Variants in TBC1D24 observed in about 807,000 individuals in gnomAD.
The protein encoded by TBC1D24 is TBC1 domain family member 24.
TBC1D24 carries 47 observed loss-of-function variants against 50.7 expected under a neutral mutation model. The observed-to-expected ratio is 0.93, with a 90% CI of 0.73 to 1.18. The LOEUF is 1.18. Among genes scored for constraint, TBC1D24 ranks in the 50% most tolerant of loss-of-function variants. The probability of loss-of-function intolerance (pLI) is 0.00; values close to 1 mark genes in which losing one functional copy is unlikely to be tolerated. For missense variants in TBC1D24, 688 were observed against 766.5 expected (o/e 0.90, Z 1.21); for synonymous variants, 324 against 335.2 (o/e 0.97, Z 0.36).
At chr16:2,494,221 G>A (rs1567409943) in intron 1 of TBC1D24, among the ~76,000 whole-genome samples, 1 of 152,144 alleles carries the variant, frequency 6.6e-6, no homozygotes, top group Non-Finnish European at 1.5e-5. Flanking sequence ...AGACCAGCCT[G>A]GCCAACATGG....
In TBC1D24 at chr16:2,486,517, G is replaced by A. The variant is rs1463333283; in HGVS notation, c.-115-9517G>A. ...TTCTTGTGGCCAGGATGTGTGTGGTGGTCAGGCCAGGGCAGGATGGGGCCC... is the reference window on the plus strand; with the variant it reads ...TTCTTGTGGCCAGGATGTGTGTGGTAGTCAGGCCAGGGCAGGATGGGGCCC... On this transcript the variant is annotated intron_variant, in intron 1 of 7. Transcript: ENST00000646147. This position sits in a 1 kb window ranked among gnomAD's most constrained non-coding sequence, Gnocchi z 5.8. 1.3e-5 allele frequency among the ~76,000 whole-genome samples: 2 copies of A among 152,216 alleles called. No homozygotes were observed. Among genetic ancestry groups the A allele is most frequent in the African/African-American group, 4.8e-5 (2 of 41,464 alleles).
At chr16:2,494,343 C>A (rs557598997) in intron 1 of TBC1D24, among the ~76,000 whole-genome samples, 1 of 150,050 alleles carries the variant, frequency 6.7e-6, no homozygotes, top group South Asian at 2.1e-4. Context: ...GCCCGGGAGG[C>A]GGAAGTTGCA....
Position 2,500,078 on chromosome 16 carries a change from C to A in TBC1D24, c.1302+148C>A. The A allele has an allele frequency of 2.1e-6, 2 of 961,882 alleles. No homozygotes were observed. Among genetic ancestry groups the A allele is most frequent in the South Asian group, 1.4e-5 (1 of 73,858 alleles). 59.6% of individuals were successfully genotyped at this position (961,882 alleles called of 1,614,324 possible). ...CGCCCTGTGTGCTTCCGGGTTTGAT[C>A]ATTCAGCCGTGCGCTGCTCCGGGGC... is the stretch of plus-strand genomic sequence containing the variant. On this transcript the variant is annotated intron_variant, in intron 6 of 7. Coordinates refer to ENST00000646147, the MANE Select transcript of TBC1D24 (RefSeq NM_001199107.2). The surrounding 1 kb of genome is among the most constrained non-coding windows in gnomAD (Gnocchi z 8.0).
At chr16:2,488,607 G>T (rs2141861783) in intron 1 of TBC1D24, among the ~76,000 whole-genome samples, 1 of 148,458 alleles carries the variant, frequency 6.7e-6, no homozygotes, top group African/African-American at 2.5e-5. Context: ...TGCCTCCCGG[G>T]TTCACACTAC....
intron 1 of TBC1D24, among the ~76,000 whole-genome samples, chr16:2,495,778 C>CA (rs962506943): frequency 1.3e-3 from 191 of 143,656 alleles, no homozygotes; most frequent in African/African-American, 3.6e-3. Context: ...GACTCCATCT[C>CA]AAAAAAAAAA....
rs1241774791 is a variant in TBC1D24 at position 2,485,352 on chromosome 16, G to A, written c.-116+10182G>A. On this transcript the variant is annotated intron_variant, in intron 1 of 7. Transcript: ENST00000646147. This position sits in a 1 kb window ranked among gnomAD's most constrained non-coding sequence, Gnocchi z 4.6. ...TAATCAGTTATGCCTACTTAACAAGGGCTCCATGTCAACCCTAGAAGACAG... is the reference window on the plus strand; with the variant it reads ...TAATCAGTTATGCCTACTTAACAAGAGCTCCATGTCAACCCTAGAAGACAG... 6.6e-6 allele frequency: 1 copy of A among 152,154 alleles called. No homozygotes were observed. The highest frequency in any genetic ancestry group is 1.5e-5 in the Non-Finnish European group (1 of 68,032). The allele number at this position is 152,154 out of a possible 1,614,324, so 9.4% of individuals were successfully genotyped here. A position where few individuals can be genotyped will look rare whatever the true frequency, so the allele number is the denominator to read the frequency against.
rs2065810831 is a variant in TBC1D24 at position 2,503,534 on chromosome 16, T to C, written c.*2576T>C. 1 of 151,586 alleles carries C rather than the reference T, an allele frequency of 6.6e-6. No homozygotes were observed. Among genetic ancestry groups the C allele is most frequent in the African/African-American group, 2.4e-5 (1 of 41,370 alleles). The allele number at this position is 151,586 out of a possible 1,614,324, so 9.4% of individuals were successfully genotyped here. ...GTTGAAACTGCATAATAAATTATCATTTGTTTTTAGAAACATTCAAAGAAT... is the reference window on the plus strand; with the variant it reads ...GTTGAAACTGCATAATAAATTATCACTTGTTTTTAGAAACATTCAAAGAAT... On this transcript the variant is annotated 3_prime_UTR_variant, in exon 8 of 8. Transcript: ENST00000646147.
chr16:2,496,105 CCCCTT>C lies in TBC1D24; in HGVS notation c.-41_-37del, dbSNP rs768814857. On this transcript the variant is annotated 5_prime_UTR_variant, in exon 2 of 8. Transcript: ENST00000646147. ...CTGGAGGATTTAGCCACTCTGTCCT[CCCCTT>C]CCGGCAGTCCAGGGCCTCCTCCCGA... 11 of 1,611,842 alleles carry C rather than the reference CCCCTT, an allele frequency of 6.8e-6. No homozygotes were observed. The East Asian group carries it at 1.6e-4, about 23-fold the overall frequency.
At chr16:2,490,503 G>C (rs2065686934) in intron 1 of TBC1D24, among the ~76,000 whole-genome samples, 1 of 152,204 alleles carries the variant, frequency 6.6e-6, no homozygotes, top group African/African-American at 2.4e-5. Context: ...CACCCTCACA[G>C]GGCCCTGCTG....
rs1344310564 is a variant in TBC1D24 at position 2,504,846 on chromosome 16, A to G, written c.*3888A>G. 1 of 152,200 alleles carries G rather than the reference A, an allele frequency of 6.6e-6. No individual in the cohort carries two copies. Among genetic ancestry groups the G allele is most frequent in the Admixed American group, 6.5e-5 (1 of 15,282 alleles). The allele number at this position is 152,200 out of a possible 1,614,324, so 9.4% of individuals were successfully genotyped here. A position where few individuals can be genotyped will look rare whatever the true frequency, so the allele number is the denominator to read the frequency against. On this transcript the variant is annotated 3_prime_UTR_variant, in exon 8 of 8. Coordinates refer to ENST00000646147, the MANE Select transcript of TBC1D24 (RefSeq NM_001199107.2). ...AAAACCACTGGTCAAAAAAACCCAA[A>G]TGGCCACTAATTAGGCAATACAGCA...
At position 2,501,484 on chromosome 16, in the gene TBC1D24, G is replaced by GC; in HGVS notation, c.*531dup. 1 of 161,860 alleles carries GC rather than the reference G, an allele frequency of 6.2e-6. No homozygotes were observed. The highest frequency in any genetic ancestry group is 1.8e-4 in the East Asian group (1 of 5,442). 10.0% of individuals were successfully genotyped at this position (161,860 alleles called of 1,614,324 possible). On this transcript the variant is annotated 3_prime_UTR_variant, in exon 8 of 8. Transcript: ENST00000646147. ...AGAACAGACTGGCACCCTTGGGCCT[G>GC]CCCCCTGGCGGACCCCACCCCCTGT...
intron 1 of TBC1D24, among the ~76,000 whole-genome samples, chr16:2,491,273 T>C (rs2065692895): frequency 6.6e-6 from 1 of 152,260 alleles, no homozygotes; most frequent in Non-Finnish European, 1.5e-5. Flanking sequence ...ATTTGACTTT[T>C]TGTGATTTTT....
At position 2,487,034 on chromosome 16, in the gene TBC1D24, C is replaced by T. The variant is rs2065655992; in HGVS notation, c.-115-9000C>T. On this transcript the variant is annotated intron_variant, in intron 1 of 7. Transcript: ENST00000646147. The surrounding 1 kb of genome is among the most constrained non-coding windows in gnomAD (Gnocchi z 4.1). The stretch of plus-strand genomic sequence containing the variant: ...TGTAAACGCAGATCTGATCGGGTCA[C>T]CTGCCTAGACTTTCCTCCTACCCCG... 6.6e-6 allele frequency among the ~76,000 whole-genome samples: 1 copy of T among 152,232 alleles called. No individual in the cohort carries two copies. Among genetic ancestry groups the T allele is most frequent in the Admixed American group, 6.5e-5 (1 of 15,282 alleles).
chr16:2,504,458 G>C lies in TBC1D24; in HGVS notation c.*3500G>C, dbSNP rs377304037. The C allele has an allele frequency of 7.9e-6, 1 of 126,868 alleles. No individual in the cohort carries two copies. Among genetic ancestry groups the C allele is most frequent in the African/African-American group, 3.2e-5 (1 of 31,692 alleles). 7.9% of individuals were successfully genotyped at this position (126,868 alleles called of 1,614,324 possible). A position where few individuals can be genotyped will look rare whatever the true frequency, so the allele number is the denominator to read the frequency against. Reference sequence around the variant, plus strand: ...TTTTGAGACAGAGTCTCGCTCTGTCGCCCAGGCTGGAGTGCAGTGGCGCGA... The same window carrying C: ...TTTTGAGACAGAGTCTCGCTCTGTCCCCCAGGCTGGAGTGCAGTGGCGCGA... On this transcript the variant is annotated 3_prime_UTR_variant, in exon 8 of 8. Transcript: ENST00000646147.
At position 2,487,401 on chromosome 16, in the gene TBC1D24, G is replaced by A. The variant is rs982528847; in HGVS notation, c.-115-8633G>A. On this transcript the variant is annotated intron_variant, in intron 1 of 7. Transcript: ENST00000646147. This position sits in a 1 kb window ranked among gnomAD's most constrained non-coding sequence, Gnocchi z 4.1. Reference sequence around the variant, plus strand: ...GTTTGCTGTGACCTGGGACAGGAGCGGTCCCCAGGAAGGGAGGCACGGTGT... The same window carrying A: ...GTTTGCTGTGACCTGGGACAGGAGCAGTCCCCAGGAAGGGAGGCACGGTGT... Among the ~76,000 whole-genome samples the A allele has an allele frequency of 2.6e-5, 4 of 152,244 alleles. No homozygotes were observed. The East Asian group carries it at 5.8e-4, about 22-fold the overall frequency.
In TBC1D24 at chr16:2,496,557, G is replaced by T. The variant is rs200263150; in HGVS notation, c.409G>T (p.Val137Leu). The change falls in exon 2 of 8, where the codon GTG (valine) becomes TTG (leucine). Residue 137 changes from valine to leucine, a missense_variant. By Grantham distance (32) the Val-to-Leu change is conservative. Transcript: ENST00000646147. ...DISFCPALPA[V>L]VALLLHYSID... ...CTCCTTCTGCCCCGCCCTGCCGGCC[G>T]TGGTGGCCCTGCTGCTGCACTACAG... 3.1e-6 allele frequency: 5 copies of T among 1,608,674 alleles called. No homozygotes were observed. Among genetic ancestry groups the T allele is most frequent in the Non-Finnish European group, 4.2e-6 (5 of 1,179,980 alleles).
At chr16:2,495,002 TCACACACACACA>T (rs527454795) in intron 1 of TBC1D24, among the ~76,000 whole-genome samples, 3 of 137,972 alleles carry the variant, frequency 2.2e-5, no homozygotes, top group Admixed American at 7.3e-5. Flanking sequence ...CAAGACCCCA[TCACACACACACA>T]CACACACACA....
rs748759187 is a variant in TBC1D24 at position 2,497,014 on chromosome 16, C to G, written c.866C>G (p.Ala289Gly). ...TCCCCTGAGAAGCTGCTGGAGAAAG[C>G]GTTCGCCATCCGCCTCTTCTCCCGC... ...TVSPEKLLEK[A>G]FAIRLFSRKE... The change falls in exon 2 of 8, where the codon GCG becomes GGG. Residue 289 changes from alanine to glycine, a missense_variant. Ala to Gly is a moderately conservative substitution (Grantham distance 60). Transcript: ENST00000646147. 1.2e-6 allele frequency: 2 copies of G among 1,613,814 alleles called. No homozygotes were observed. Among genetic ancestry groups the G allele is most frequent in the South Asian group, 2.2e-5 (2 of 91,086 alleles).
At chr16:2,488,850 G>A (rs1437199132) in intron 1 of TBC1D24, among the ~76,000 whole-genome samples, 1 of 146,974 alleles carries the variant, frequency 6.8e-6, no homozygotes, top group African/African-American at 2.5e-5. Flanking sequence ...CACGAGGTCA[G>A]GAGATCGAGA....
Sources: allele counts gnomAD v4.1 joint callset (sites outside exome capture counted in the v4.1 genomes callset), GRCh38; gene constraint gnomAD v4.1.1; non-coding constraint Gnocchi (gnomAD v3.1); transcripts MANE v1.5; gene names NCBI Gene and HGNC (gene_info 2026-07-23, HGNC 2026-07-21).